The following TSHZ2 variants were observed in gnomAD, a reference collection of about 807,000 sequenced individuals.
TSHZ2 encodes the protein teashirt zinc finger homeobox 2, also known as teashirt homolog 2.
TSHZ2 carries 21 observed loss-of-function variants against 74.4 expected under a neutral mutation model. That is an observed-to-expected ratio of 0.28 (90% confidence interval 0.20 to 0.41). TSHZ2 has a LOEUF of 0.41. Among genes scored for constraint, TSHZ2 ranks in the 10% least tolerant of loss-of-function variants. The pLI is 1.00. For missense variants in TSHZ2, 1,244 were observed against 1,293.5 expected, an observed-to-expected ratio of 0.96 and a Z score of 0.59; for synonymous variants, 540 against 515.3, an observed-to-expected ratio of 1.05 and a Z score of -0.65.
chr20:53,383,729 C>T (rs1269356596), intron 2 of TSHZ2, among the ~76,000 whole-genome samples: 3 of 152,066 alleles, frequency 2.0e-5, no homozygotes, highest in Non-Finnish European at 4.4e-5. Flanking sequence ...CCATTGCACT[C>T]CAGCCTGGTG....
In TSHZ2 at chr20:53,340,184, C is replaced by CTTTTTTTTTTTTTTTTTT. The variant is rs557613827; in HGVS notation, c.*8+83629_*8+83630insTTTTTTTTTTTTTTTTTT. Among the ~76,000 whole-genome samples, 42 of 109,860 alleles carry CTTTTTTTTTTTTTTTTTT rather than the reference C, an allele frequency of 3.8e-4. 1 individual carries two copies. The highest frequency in any genetic ancestry group is 6.6e-4 in the South Asian group (2 of 3,022). 72.1% of individuals were successfully genotyped at this position (109,860 alleles called of 152,430 possible). A position where few individuals can be genotyped will look rare whatever the true frequency, so the allele number is the denominator to read the frequency against. Reference sequence around the variant, plus strand: ...ACAAGGTGACTTTTCTTTCTTTTTTCTTTTTTTTTTTTTTTTGAGATGGAG... The same window carrying CTTTTTTTTTTTTTTTTTT: ...ACAAGGTGACTTTTCTTTCTTTTTTCTTTTTTTTTTTTTTTTTTTTTTTTTTTTTTTTTTGAGATGGAG... On this transcript the variant is annotated intron_variant, in intron 2 of 2. Coordinates refer to ENST00000371497, the MANE Select transcript of TSHZ2 (RefSeq NM_173485.6).
chr20:53,308,453 T>G (rs73152712), intron 2 of TSHZ2, among the ~76,000 whole-genome samples: 1 of 152,076 alleles, frequency 6.6e-6, no homozygotes, highest in East Asian at 1.9e-4. Flanking sequence ...GATGTGTATG[T>G]ATGTACACGT....
intron 2 of TSHZ2, among the ~76,000 whole-genome samples, chr20:53,376,731 A>G (rs1050489009): frequency 1.3e-5 from 2 of 152,196 alleles, no homozygotes; most frequent in Admixed American, 6.5e-5. Context: ...GTGCACACTC[A>G]TGTGCATAGC....
At chr20:53,129,492 T>C (rs943186682) in intron 1 of TSHZ2, among the ~76,000 whole-genome samples, 2 of 152,224 alleles carry the variant, frequency 1.3e-5, no homozygotes, top group Non-Finnish European at 2.9e-5. Context: ...TTATAATCTG[T>C]ACCATACTAT....
At chr20:53,179,792 G>T (rs964650394) in intron 1 of TSHZ2, among the ~76,000 whole-genome samples, 1 of 152,146 alleles carries the variant, frequency 6.6e-6, no homozygotes, top group African/African-American at 2.4e-5. Context: ...AAACTAAAGC[G>T]TGCTGGGGGC....
At chr20:53,259,908 C>T (rs1990567209) in intron 2 of TSHZ2, among the ~76,000 whole-genome samples, 1 of 152,142 alleles carries the variant, frequency 6.6e-6, no homozygotes, top group South Asian at 2.1e-4. Flanking sequence ...GATTATATGG[C>T]AGTTGGGAAG....
chr20:53,155,372 C>T (rs899089008), intron 1 of TSHZ2, among the ~76,000 whole-genome samples: 5 of 151,876 alleles, frequency 3.3e-5, no homozygotes, highest in East Asian at 1.9e-4. Flanking sequence ...CTTTGGTAGA[C>T]GAACATAGGA....
chr20:53,385,768 TAAC>T (rs1160711285), intron 2 of TSHZ2, among the ~76,000 whole-genome samples: 3 of 152,208 alleles, frequency 2.0e-5, no homozygotes, highest in East Asian at 3.9e-4. Context: ...GGACCAGGGA[TAAC>T]AACGAGGAAC....
chr20:53,109,308 A>T (rs1037378065), intron 1 of TSHZ2, among the ~76,000 whole-genome samples: 2 of 152,192 alleles, frequency 1.3e-5, no homozygotes, highest in Non-Finnish European at 2.9e-5. Flanking sequence ...TAATAATTTC[A>T]TGGGAGGGTG....
At chr20:53,483,405 G>A (rs1470301381) in intron 2 of TSHZ2, among the ~76,000 whole-genome samples, 1 of 152,174 alleles carries the variant, frequency 6.6e-6, no homozygotes, top group Non-Finnish European at 1.5e-5. Context: ...CAGCTACTCA[G>A]GAGGCTAACG....
chr20:53,446,892 A>G (rs1424759440), intron 2 of TSHZ2, among the ~76,000 whole-genome samples: 1 of 152,084 alleles, frequency 6.6e-6, no homozygotes, highest in Non-Finnish European at 1.5e-5. Context: ...CAGCTGCCCC[A>G]CTCATGGTTC....
Position 53,173,254 on chromosome 20 carries a change from G to C in TSHZ2, c.41-80245G>C, listed in dbSNP as rs183757655. 4.3e-3 allele frequency among the ~76,000 whole-genome samples: 658 copies of C among 152,264 alleles called. 3 individuals carry two copies. The highest frequency in any genetic ancestry group is 0.015 in the African/African-American group (614 of 41,546). On this transcript the variant is annotated intron_variant, in intron 1 of 2. Coordinates refer to ENST00000371497, the MANE Select transcript of TSHZ2 (RefSeq NM_173485.6). ...ATCACCAAATTGTCCATCCATAAAG[G>C]ATTGGCCAAATAAACTATATCCTAT...
At chr20:53,028,467 T>C (rs557159445) in intron 1 of TSHZ2, among the ~76,000 whole-genome samples, 7 of 152,374 alleles carry the variant, frequency 4.6e-5, no homozygotes, top group African/African-American at 1.7e-4. Context: ...GTTTGATGAC[T>C]CGCTGCTCCT....
chr20:53,098,648 T>G (rs1171266503), intron 1 of TSHZ2, among the ~76,000 whole-genome samples: 2 of 152,246 alleles, frequency 1.3e-5, no homozygotes, highest in African/African-American at 4.8e-5. Flanking sequence ...TATTTAACTT[T>G]CTCAAAAATT....
chr20:53,221,321 T>C (rs1299581752), intron 1 of TSHZ2, among the ~76,000 whole-genome samples: 2 of 152,336 alleles, frequency 1.3e-5, no homozygotes, highest in South Asian at 4.1e-4. Context: ...AATGAGCTAA[T>C]ACAATGAGCA....
chr20:53,232,760 A>G (rs1989856926), intron 1 of TSHZ2, among the ~76,000 whole-genome samples: 1 of 152,172 alleles, frequency 6.6e-6, no homozygotes, highest in South Asian at 2.1e-4. Flanking sequence ...ATTGTTCTGT[A>G]TGGTCTGTTG....
chr20:53,467,718 T>C (rs1051100727), intron 2 of TSHZ2, among the ~76,000 whole-genome samples: 2 of 152,178 alleles, frequency 1.3e-5, no homozygotes, highest in Non-Finnish European at 2.9e-5. Flanking sequence ...TTTACAGGTA[T>C]AGACTGCAGC....
chr20:53,486,817 A>G (rs1404219671), intron 2 of TSHZ2, among the ~76,000 whole-genome samples: 1 of 151,838 alleles, frequency 6.6e-6, no homozygotes, highest in Admixed American at 6.6e-5. Context: ...AGTACCTGAT[A>G]GGCAGTTTTT....
chr20:53,186,735 C>T (rs1303036319), intron 1 of TSHZ2, among the ~76,000 whole-genome samples: 2 of 152,154 alleles, frequency 1.3e-5, no homozygotes, highest in Non-Finnish European at 2.9e-5. Context: ...CCAAGTCATT[C>T]TCTGTCTGGC....
Sources: allele counts gnomAD v4.1 joint callset (sites outside exome capture counted in the v4.1 genomes callset), GRCh38; gene constraint gnomAD v4.1.1; transcripts MANE v1.5; gene names NCBI Gene and HGNC (gene_info 2026-07-23, HGNC 2026-07-21).